PNPLA8: variants seen among roughly 807,000 people sequenced by gnomAD.
PNPLA8 encodes the protein patatin like domain 8, phospholipase A2.
In PNPLA8, 39 loss-of-function variants were observed where a neutral mutation model predicts 76.9. The observed-to-expected ratio is 0.51, with a 90% CI of 0.39 to 0.66. The LOEUF (loss-of-function observed/expected upper bound fraction) is 0.66, where lower values mean the gene tolerates loss of function less well. PNPLA8 is among the 30% of genes least tolerant of loss of function. PNPLA8 has a pLI of 0.00. For synonymous variants in PNPLA8, 301 were observed against 307.9 expected (o/e 0.98, Z 0.24); for missense variants, 887 against 918.0 (o/e 0.97, Z 0.44).
At chr7:108,473,618 A>T (rs1051784250) in intron 10 of PNPLA8, among the ~76,000 whole-genome samples, 5 of 152,142 alleles carry the variant, frequency 3.3e-5, no homozygotes, top group Non-Finnish European at 7.4e-5. Flanking sequence ...CTTGTGGTTT[A>T]ATTTTTATTT....
At chr7:108,483,873 G>A (rs1860567118) in intron 9 of PNPLA8, among the ~76,000 whole-genome samples, 1 of 152,102 alleles carries the variant, frequency 6.6e-6, no homozygotes, top group Non-Finnish European at 1.5e-5. Flanking sequence ...CAGATCATTA[G>A]AATGATACTT....
At chr7:108,478,409 G>C (rs1563931304) in intron 10 of PNPLA8, among the ~76,000 whole-genome samples, 1 of 151,436 alleles carries the variant, frequency 6.6e-6, no homozygotes, top group East Asian at 1.9e-4. Flanking sequence ...GTTTTTTTTT[G>C]AGATGGAGTC....
At chr7:108,522,855 T>C (rs1199555446) in intron 1 of PNPLA8, among the ~76,000 whole-genome samples, 1 of 152,198 alleles carries the variant, frequency 6.6e-6, no homozygotes, top group Non-Finnish European at 1.5e-5. Flanking sequence ...TTAGACAATT[T>C]CATAATCATG....
At chr7:108,490,289 T>C (rs117669747) in intron 8 of PNPLA8, among the ~76,000 whole-genome samples, 5 of 151,636 alleles carry the variant, frequency 3.3e-5, no homozygotes, top group South Asian at 2.1e-4. Context: ...AACACAGGTT[T>C]ATAGCCTAGG....
chr7:108,505,327 T>C lies in PNPLA8; in HGVS notation c.1207-2685A>G, dbSNP rs1862289858. Among the ~76,000 whole-genome samples the C allele has an allele frequency of 2.1e-4, 2 of 9,352 alleles. 1 individual carries two copies. Among genetic ancestry groups the C allele is most frequent in the African/African-American group, 9.9e-4 (2 of 2,030 alleles). 6.1% of individuals were successfully genotyped at this position (9,352 alleles called of 152,430 possible). A position where few individuals can be genotyped will look rare whatever the true frequency, so the allele number is the denominator to read the frequency against. On this transcript the variant is annotated intron_variant, in intron 4 of 10. Coordinates refer to ENST00000257694, the MANE Select transcript of PNPLA8 (RefSeq NM_001256007.3). ...ATATATATATATATATATATATATATATATATATATATATATATATATATA... is the reference window on the plus strand; with the variant it reads ...ATATATATATATATATATATATATACATATATATATATATATATATATATA...
intron 4 of PNPLA8, among the ~76,000 whole-genome samples, chr7:108,512,529 T>G (rs1184003337): frequency 6.6e-6 from 1 of 152,130 alleles, no homozygotes; most frequent in East Asian, 1.9e-4. Flanking sequence ...GTATCAGACA[T>G]AATTCCCTGT....
In PNPLA8 at chr7:108,514,402, G is replaced by A. The variant is rs746572814; in HGVS notation, c.1056+34C>T. On this transcript the variant is annotated intron_variant, in intron 3 of 10. Transcript: ENST00000257694. ...ATAAAACTTATAAATTTGACAAAAA[G>A]TAATAGAACCGAAAAGCACACTGAA... 15 of 1,568,902 alleles carry A rather than the reference G, an allele frequency of 9.6e-6. No individual in the cohort carries two copies. In the African/African-American group the frequency reaches 1.9e-4, roughly 20 times the overall value.
intron 9 of PNPLA8, among the ~76,000 whole-genome samples, chr7:108,486,357 G>C (rs998542420): frequency 1.3e-5 from 2 of 152,000 alleles, no homozygotes; most frequent in Admixed American, 1.3e-4. Flanking sequence ...TGGTACATAA[G>C]AATAGGGGAA....
At chr7:108,491,512 T>C (rs1861166226) in intron 7 of PNPLA8, 45 bp from the exon 8 acceptor site, 1 of 1,184,078 alleles carries the variant, frequency 8.4e-7, no homozygotes, top group African/African-American at 1.5e-5. Flanking sequence ...AATGACTTTA[T>C]CTCCTAACAA....
rs117613468 is a variant in PNPLA8 at position 108,487,309 on chromosome 7, T to G, written c.1878+450A>C. ...AGCAAGGATTAAATGAGATAATGCA[T>G]GCACAGCACTAAATAAGTGTCTGGC... is the stretch of plus-strand genomic sequence containing the variant. On this transcript the variant is annotated intron_variant, in intron 9 of 10. Transcript: ENST00000257694. 1.2e-4 allele frequency among the ~76,000 whole-genome samples: 18 copies of G among 152,324 alleles called. No individual in the cohort carries two copies. The East Asian group carries it at 3.5e-3, about 29-fold the overall frequency.
intron 2 of PNPLA8, among the ~76,000 whole-genome samples, chr7:108,516,830 A>T (rs747786560): frequency 1.1e-4 from 17 of 152,096 alleles, no homozygotes; most frequent in Non-Finnish European, 2.4e-4. Flanking sequence ...TGAATCCAGG[A>T]GGCAGAGGTT....
chr7:108,501,331 T>C (rs1342608981), intron 5 of PNPLA8, among the ~76,000 whole-genome samples: 1 of 152,222 alleles, frequency 6.6e-6, no homozygotes, highest in East Asian at 1.9e-4. Context: ...GAAGCATGGA[T>C]GGATTGCCAG....
intron 9 of PNPLA8, 71 bp downstream of exon 9, chr7:108,487,688 T>C (rs2154515167): frequency 3.5e-6 from 3 of 866,184 alleles, no homozygotes; most frequent in East Asian, 2.7e-5. Flanking sequence ...TGAAGATCAA[T>C]GACATTTAAT....
Position 108,487,802 on chromosome 7 carries a change from G to A in PNPLA8, c.1835C>T (p.Pro612Leu). 6.2e-7 allele frequency: 1 copy of A among 1,613,122 alleles called. No individual in the cohort carries two copies. The highest frequency in any genetic ancestry group is 8.5e-7 in the Non-Finnish European group (1 of 1,179,400). The change falls in exon 9 of 11, where the codon CCA becomes CTA. Residue 612 changes from proline to leucine, a missense_variant. Physicochemically the swap from Pro to Leu is moderately conservative, Grantham distance 98. Transcript: ENST00000257694. ...WQAIRASSAA[P>L]GYFAEYALGN... The stretch of plus-strand genomic sequence containing the variant: ...CAATGCATATTCTGCAAAGTAGCCT[G>A]GAGCAGCAGATGAGGCTCTAATGGC...
chr7:108,524,347 G>A (rs569954593), intron 1 of PNPLA8, among the ~76,000 whole-genome samples: 16 of 152,242 alleles, frequency 1.1e-4, no homozygotes, highest in Admixed American at 9.8e-4. Flanking sequence ...AGAGCGACAG[G>A]GGTAGAGCCT....
In PNPLA8 at chr7:108,472,784, T is replaced by C. The variant is rs142877260; in HGVS notation, c.2075-109A>G. 1.1e-3 allele frequency: 772 copies of C among 677,566 alleles called. 4 individuals are homozygous for C. Among genetic ancestry groups the C allele is most frequent in the African/African-American group, 0.011 (571 of 53,506 alleles). The allele number at this position is 677,566 out of a possible 1,614,324, so 42.0% of individuals were successfully genotyped here. The stretch of plus-strand genomic sequence containing the variant: ...AAAATTAACTTCTTTTTAGGCACAT[T>C]ACAAAGATTCACTAATTTCATTATT... On this transcript the variant is annotated intron_variant, in intron 10 of 10. Transcript: ENST00000257694.
chr7:108,490,866 A>G (rs1861116076), intron 8 of PNPLA8, among the ~76,000 whole-genome samples: 1 of 152,098 alleles, frequency 6.6e-6, no homozygotes. Flanking sequence ...TGATGAAATA[A>G]TTCTTATTTT....
chr7:108,491,305 C>T (rs1861147328), intron 8 of PNPLA8, 105 bp downstream of exon 8: 5 of 725,798 alleles, frequency 6.9e-6, no homozygotes, highest in South Asian at 5.0e-5. Context: ...GAAACTCTGT[C>T]TCAAAAAATA....
In PNPLA8 at chr7:108,514,680, C is replaced by T. The variant is rs767067544; in HGVS notation, c.812G>A (p.Ser271Asn). The T allele has an allele frequency of 2.5e-6, 4 of 1,614,002 alleles. No individual in the cohort carries two copies. The highest frequency in any genetic ancestry group is 4.5e-5 in the East Asian group (2 of 44,858). Residue 271 changes from serine to asparagine, a missense_variant, in exon 3 of 11, where the codon AGT becomes AAT. By Grantham distance (46) the Ser-to-Asn change is conservative. Coordinates refer to ENST00000257694, the MANE Select transcript of PNPLA8 (RefSeq NM_001256007.3). ...AAGAACATCAGGTATCGCAGAAGGA[C>T]TTGTAGGCTTGTCCACCGTATGTAC... ...ESVHTVDKPT[S>N]PSAIPDVLQV...
Sources: gnomAD v4.1 joint callset for allele counts (sites outside exome capture counted in the v4.1 genomes callset) on GRCh38, gnomAD v4.1.1 for gene constraint, MANE v1.5 for transcripts, NCBI Gene and HGNC (gene_info 2026-07-23, HGNC 2026-07-21) for gene names.